The following SLC35A1 variants were observed in gnomAD, a reference collection of about 807,000 sequenced individuals.
SLC35A1 encodes CMP-sialic acid transporter.
In SLC35A1, 21 loss-of-function variants were observed where a neutral mutation model predicts 40.3. That is an observed-to-expected ratio of 0.52 (90% confidence interval 0.37 to 0.75). The LOEUF (loss-of-function observed/expected upper bound fraction) is 0.75. Among genes scored for constraint, SLC35A1 ranks in the 30% least tolerant of loss-of-function variants. The pLI is 0.00. For missense variants in SLC35A1, 297 were observed against 382.1 expected (o/e 0.78, Z 1.86); for synonymous variants, 146 against 147.3 (o/e 0.99, Z 0.06).
In SLC35A1 at chr6:87,501,187, T is replaced by C; in HGVS notation, c.384T>C (p.Thr128=). 6.2e-7 allele frequency: 1 copy of C among 1,614,064 alleles called. No individual in the cohort carries two copies. Among genetic ancestry groups the C allele is most frequent in the Non-Finnish European group, 8.5e-7 (1 of 1,179,902 alleles). ...QVTYQLKIPC[T]ALCTVLMLNR... ...CCTACCAGTTGAAGATTCCGTGTAC[T>C]GCTTTATGCACTGTTTTAATGTTAA... The change falls in exon 4 of 8, where the codon ACT becomes ACC. Residue 128 remains threonine, a synonymous_variant. Transcript: ENST00000369552.
At chr6:87,489,710 T>A (rs943290786) in intron 2 of SLC35A1, among the ~76,000 whole-genome samples, 1 of 151,940 alleles carries the variant, frequency 6.6e-6, no homozygotes, top group Non-Finnish European at 1.5e-5. Context: ...CCTGGCTAAT[T>A]TTTATATTTC....
intron 2 of SLC35A1, among the ~76,000 whole-genome samples, chr6:87,478,908 T>C (rs1186460947): frequency 6.6e-6 from 1 of 152,202 alleles, no homozygotes; most frequent in East Asian, 1.9e-4. Flanking sequence ...TTATTCCTTA[T>C]GCACGTGGCC....
chr6:87,486,628 A>G (rs999499226), intron 2 of SLC35A1, among the ~76,000 whole-genome samples: 6 of 152,208 alleles, frequency 3.9e-5, no homozygotes, highest in African/African-American at 1.4e-4. Context: ...ACAAACATGC[A>G]TGATAGAGGG....
At chr6:87,505,136 C>T (rs1473884675) in intron 4 of SLC35A1, among the ~76,000 whole-genome samples, 3 of 152,216 alleles carry the variant, frequency 2.0e-5, no homozygotes, top group African/African-American at 4.8e-5. Context: ...TCTACAGTGT[C>T]TTCTGTTTCT....
chr6:87,476,661 T>C (rs778597921), intron 1 of SLC35A1, among the ~76,000 whole-genome samples: 29 of 137,168 alleles, frequency 2.1e-4, no homozygotes, highest in Non-Finnish European at 4.1e-4. Flanking sequence ...GGAGGTGGAG[T>C]TTGCAGTGAG....
intron 5 of SLC35A1, among the ~76,000 whole-genome samples, chr6:87,507,795 A>G (rs1339949430): frequency 1.7e-5 from 2 of 120,928 alleles, no homozygotes; most frequent in Non-Finnish European, 4.1e-5. Flanking sequence ...GAAAAAATCT[A>G]TGGACCTTCA....
At chr6:87,507,403 G>C (rs1164350901) in intron 5 of SLC35A1, among the ~76,000 whole-genome samples, 1 of 152,022 alleles carries the variant, frequency 6.6e-6, no homozygotes, top group African/African-American at 2.4e-5. Flanking sequence ...GCAATATTTT[G>C]AACAGTTAAA....
intron 2 of SLC35A1, among the ~76,000 whole-genome samples, chr6:87,482,508 G>A (rs957772344): frequency 1.3e-5 from 2 of 152,122 alleles, no homozygotes; most frequent in Non-Finnish European, 2.9e-5. Flanking sequence ...AGTACTTTAA[G>A]GCTTAGCTGA....
At chr6:87,502,703 T>G (rs544644461) in intron 4 of SLC35A1, among the ~76,000 whole-genome samples, 49 of 152,322 alleles carry the variant, frequency 3.2e-4, no homozygotes, top group South Asian at 2.7e-3. Flanking sequence ...GACTGTTAAT[T>G]TCTGGGGGGC....
At chr6:87,494,668 G>A (rs531323565) in intron 2 of SLC35A1, among the ~76,000 whole-genome samples, 2 of 152,030 alleles carry the variant, frequency 1.3e-5, no homozygotes, top group South Asian at 2.1e-4. Flanking sequence ...CTCATGATCC[G>A]CCTGCCTCAG....
At chr6:87,502,823 A>T (rs929909394) in intron 4 of SLC35A1, among the ~76,000 whole-genome samples, 1 of 152,066 alleles carries the variant, frequency 6.6e-6, no homozygotes, top group Non-Finnish European at 1.5e-5. Flanking sequence ...CTGTTCCCTC[A>T]ATCTGTCTGC....
chr6:87,511,607 A>G lies in SLC35A1; in HGVS notation c.*81A>G. Reference sequence around the variant, plus strand: ...CCTTAAGTCAATCTCAGAAGGTAGCATAAACAAATAAAAATTAACTGTATG... The same window carrying G: ...CCTTAAGTCAATCTCAGAAGGTAGCGTAAACAAATAAAAATTAACTGTATG... On this transcript the variant is annotated 3_prime_UTR_variant, in exon 8 of 8. Coordinates refer to ENST00000369552, the MANE Select transcript of SLC35A1 (RefSeq NM_006416.5). 1 of 1,462,012 alleles carries G rather than the reference A, an allele frequency of 6.8e-7. No individual in the cohort carries two copies. Among genetic ancestry groups the G allele is most frequent in the East Asian group, 2.3e-5 (1 of 44,058 alleles). The allele number at this position is 1,462,012 out of a possible 1,614,324, so 90.6% of individuals were successfully genotyped here. A position where few individuals can be genotyped will look rare whatever the true frequency, so the allele number is the denominator to read the frequency against.
intron 2 of SLC35A1, among the ~76,000 whole-genome samples, chr6:87,477,981 A>C (rs2300898): frequency 6.6e-6 from 1 of 152,040 alleles, no homozygotes; most frequent in Admixed American, 6.6e-5. Flanking sequence ...TGTGTTTTGG[A>C]TGAATATAAT....
intron 1 of SLC35A1, among the ~76,000 whole-genome samples, chr6:87,475,912 T>C (rs1769056106): frequency 6.6e-6 from 1 of 152,222 alleles, no homozygotes; most frequent in African/African-American, 2.4e-5. Context: ...AAAAATTTGC[T>C]GATCCCTGTT....
At chr6:87,478,773 C>T (rs1769157501) in intron 2 of SLC35A1, among the ~76,000 whole-genome samples, 1 of 152,188 alleles carries the variant, frequency 6.6e-6, no homozygotes, top group African/African-American at 2.4e-5. Context: ...CACAAAAAAA[C>T]AGCACTCGAA....
chr6:87,491,338 G>C (rs1329729829), intron 2 of SLC35A1, among the ~76,000 whole-genome samples: 1 of 152,082 alleles, frequency 6.6e-6, no homozygotes, highest in African/African-American at 2.4e-5. Flanking sequence ...CTTCATTTTG[G>C]CTGAAACTAT....
intron 2 of SLC35A1, among the ~76,000 whole-genome samples, chr6:87,492,173 G>A (rs138990172): frequency 1.3e-5 from 2 of 152,260 alleles, no homozygotes; most frequent in African/African-American, 4.8e-5. Context: ...TGAGACATCA[G>A]TACTGATATA....
At chr6:87,508,253 T>C (rs940688138) in intron 5 of SLC35A1, among the ~76,000 whole-genome samples, 167 bp from the exon 6 acceptor site, 1 of 152,162 alleles carries the variant, frequency 6.6e-6, no homozygotes, top group African/African-American at 2.4e-5. Context: ...TAATGTACAG[T>C]ATGTCATGTG....
chr6:87,500,720 GTTT>G, intron 3 of SLC35A1, 53 bp downstream of exon 3: 1 of 1,477,508 alleles, frequency 6.8e-7, no homozygotes, highest in Non-Finnish European at 9.4e-7. Context: ...GGTAAAAAGA[GTTT>G]TTATTAACTC....
Sources: allele counts gnomAD v4.1 joint callset (sites outside exome capture counted in the v4.1 genomes callset), GRCh38; gene constraint gnomAD v4.1.1; transcripts MANE v1.5; gene names NCBI Gene and HGNC (gene_info 2026-07-23, HGNC 2026-07-21).